The following ADAMTSL3 variants were observed in gnomAD, a reference collection of about 807,000 sequenced individuals.
ADAMTSL3 encodes ADAMTS-like protein 3.
A neutral mutation model predicts 201.7 loss-of-function variants in ADAMTSL3; 128 were observed. That is an observed-to-expected ratio of 0.63 (90% CI 0.55 to 0.73). The LOEUF (loss-of-function observed/expected upper bound fraction) is 0.73. Among genes scored for constraint, ADAMTSL3 ranks in the 30% least tolerant of loss-of-function variants. The probability of loss-of-function intolerance (pLI) is 0.00; values close to 1 mark genes in which losing one functional copy is unlikely to be tolerated. For missense variants in ADAMTSL3, 1,990 were observed against 2,119.6 expected, an observed-to-expected ratio of 0.94 and a Z score of 1.20; for synonymous variants, 738 against 748.4, an observed-to-expected ratio of 0.99 and a Z score of 0.23.
At chr15:83,902,753 G>T (rs1052851973) in intron 15 of ADAMTSL3, among the ~76,000 whole-genome samples, 1 of 151,928 alleles carries the variant, frequency 6.6e-6, no homozygotes, top group Non-Finnish European at 1.5e-5. Flanking sequence ...ACTGACTTGC[G>T]GGCTGTTTCT....
intron 2 of ADAMTSL3, among the ~76,000 whole-genome samples, chr15:83,687,158 T>C (rs1414575536): frequency 6.6e-6 from 1 of 152,158 alleles, no homozygotes; most frequent in African/African-American, 2.4e-5. Flanking sequence ...GAGCTATGAT[T>C]GTACCACTGC....
chr15:83,955,143 T>C (rs1425127363), intron 19 of ADAMTSL3, among the ~76,000 whole-genome samples: 1 of 152,226 alleles, frequency 6.6e-6, no homozygotes, highest in African/African-American at 2.4e-5. Context: ...CCAGAGATAC[T>C]TTCTGAGAGC....
At chr15:83,804,843 T>C (rs1450737408) in intron 5 of ADAMTSL3, 148 bp downstream of exon 5, 3 of 534,722 alleles carry the variant, frequency 5.6e-6, no homozygotes, top group Non-Finnish European at 9.5e-6. Flanking sequence ...AGATTTTGTA[T>C]ATCAAATATC....
chr15:84,006,857 G>T (rs2067904167), intron 23 of ADAMTSL3, among the ~76,000 whole-genome samples: 1 of 152,210 alleles, frequency 6.6e-6, no homozygotes, highest in South Asian at 2.1e-4. Flanking sequence ...GAACAGACCT[G>T]TGGGGTAGGA....
chr15:83,762,780 C>T (rs997733159), intron 3 of ADAMTSL3, among the ~76,000 whole-genome samples: 1 of 152,180 alleles, frequency 6.6e-6, no homozygotes, highest in African/African-American at 2.4e-5. Context: ...TTTTATTTTT[C>T]AGCTACATGT....
chr15:83,805,566 A>AT (rs1555446305), intron 5 of ADAMTSL3, among the ~76,000 whole-genome samples: 2,808 of 151,850 alleles, frequency 0.018, 84 homozygotes, highest in African/African-American at 0.062. Context: ...CAAAAAAAAA[A>AT]AAATAAATAA....
At chr15:84,004,116 CCT>C (rs1304600757) in intron 23 of ADAMTSL3, among the ~76,000 whole-genome samples, 1 of 152,110 alleles carries the variant, frequency 6.6e-6, no homozygotes, top group African/African-American at 2.4e-5. Context: ...CTTATATAAC[CCT>C]GTTTTTTTTC....
chr15:83,879,775 C>T (rs1326225485), intron 9 of ADAMTSL3, among the ~76,000 whole-genome samples: 1 of 152,100 alleles, frequency 6.6e-6, no homozygotes, highest in Non-Finnish European at 1.5e-5. Flanking sequence ...TTATAACCTT[C>T]CTGATTTTTG....
chr15:83,888,649 G>T (rs1351001695), intron 10 of ADAMTSL3, among the ~76,000 whole-genome samples: 1 of 152,198 alleles, frequency 6.6e-6, no homozygotes, highest in Non-Finnish European at 1.5e-5. Flanking sequence ...AATCGTCGAT[G>T]TGAGACACTT....
chr15:83,844,734 A>G (rs1049695418), intron 7 of ADAMTSL3, among the ~76,000 whole-genome samples: 9 of 152,154 alleles, frequency 5.9e-5, no homozygotes, highest in East Asian at 1.9e-4. Context: ...GCTCTTTTGC[A>G]TGGTTTTGTT....
At chr15:83,804,193 T>C (rs2063567411) in intron 4 of ADAMTSL3, among the ~76,000 whole-genome samples, 1 of 152,138 alleles carries the variant, frequency 6.6e-6, no homozygotes, top group South Asian at 2.1e-4. Flanking sequence ...AAGACTGTTG[T>C]ACTAATTAAA....
chr15:84,021,432 C>A lies in ADAMTSL3; in HGVS notation c.4296C>A (p.Asn1432Lys). The A allele has an allele frequency of 6.2e-7, 1 of 1,614,082 alleles. No homozygotes were observed. The highest frequency in any genetic ancestry group is 8.5e-7 in the Non-Finnish European group (1 of 1,179,996). The change falls in exon 26 of 30, where the codon AAC becomes AAA. Residue 1432 changes from asparagine (N) to lysine (K), a missense_variant. Coordinates refer to ENST00000286744, the MANE Select transcript of ADAMTSL3 (RefSeq NM_207517.3). Reference sequence around the variant, plus strand: ...CAGAGCCTTTTTGGGAGCCTGGTAACTGGTCACATTGTTCTGCCACCTGTG... The same window carrying A: ...CAGAGCCTTTTTGGGAGCCTGGTAAATGGTCACATTGTTCTGCCACCTGTG... ...PPQEPFWEPGNWSHCSATCGH... is the reference protein window; with the variant it reads ...PPQEPFWEPGKWSHCSATCGH...
intron 17 of ADAMTSL3, among the ~76,000 whole-genome samples, chr15:83,924,894 G>A (rs761064280): frequency 6.6e-6 from 1 of 151,978 alleles, no homozygotes; most frequent in Non-Finnish European, 1.5e-5. Flanking sequence ...CCTCTTAGTC[G>A]TTTGCCCCGC....
intron 23 of ADAMTSL3, among the ~76,000 whole-genome samples, chr15:83,991,736 T>C (rs1213260889): frequency 6.6e-6 from 1 of 152,148 alleles, no homozygotes; most frequent in African/African-American, 2.4e-5. Context: ...CTTTCTCCCG[T>C]GTTTACAACT....
chr15:83,838,051 GC>G (rs1567179756), intron 6 of ADAMTSL3, 37 bp from the exon 7 acceptor site: 1 of 1,589,054 alleles, frequency 6.3e-7, no homozygotes, highest in Non-Finnish European at 8.5e-7. Context: ...CCCTCCCCTG[GC>G]TTTGGGCACC....
chr15:83,790,266 C>A (rs2063323971), intron 4 of ADAMTSL3, among the ~76,000 whole-genome samples: 1 of 144,946 alleles, frequency 6.9e-6, no homozygotes, highest in Non-Finnish European at 1.5e-5. Flanking sequence ...CCAAACCATA[C>A]AAAGACTATA....
intron 27 of ADAMTSL3, 140 bp downstream of exon 27, chr15:84,025,576 T>C: frequency 1.3e-6 from 1 of 785,880 alleles, no homozygotes; most frequent in Non-Finnish European, 2.0e-6. Context: ...TGTATGTCTT[T>C]GACCTCAAGG....
At chr15:83,955,341 T>C (rs1394646744) in intron 19 of ADAMTSL3, among the ~76,000 whole-genome samples, 1 of 152,128 alleles carries the variant, frequency 6.6e-6, no homozygotes, top group Non-Finnish European at 1.5e-5. Context: ...CCATTGCTGA[T>C]CACTTAATGC....
intron 4 of ADAMTSL3, among the ~76,000 whole-genome samples, chr15:83,779,993 T>C (rs1266438370): frequency 6.6e-6 from 1 of 152,062 alleles, no homozygotes; most frequent in Non-Finnish European, 1.5e-5. Flanking sequence ...GATCTCAATT[T>C]AACAACATAA....
Sources: allele counts gnomAD v4.1 joint callset (sites outside exome capture counted in the v4.1 genomes callset), GRCh38; gene constraint gnomAD v4.1.1; transcripts MANE v1.5; gene names NCBI Gene and HGNC (gene_info 2026-07-23, HGNC 2026-07-21).